Variants in GPC3 observed in about 807,000 individuals in gnomAD.
GPC3 encodes the protein glypican-3.
GPC3 carries 3 observed loss-of-function variants against 34.4 expected under a neutral mutation model. That is an observed-to-expected ratio of 0.09 (90% CI 0.04 to 0.23). The LOEUF is 0.23. Ranked by LOEUF, GPC3 falls within the 10% of genes least tolerant of loss-of-function variation. GPC3 has a pLI of 1.00. For synonymous variants in GPC3, 177 were observed against 174.0 expected (o/e 1.02, Z -0.13); for missense variants, 351 against 445.6 (o/e 0.79, Z 1.91).
At chrX:133,831,602 T>C (rs1263313991) in intron 2 of GPC3, among the ~76,000 whole-genome samples, 2 of 111,759 alleles carry the variant, frequency 1.8e-5, no homozygotes, top group Admixed American at 9.5e-5. Context: ...TGTTGATGCA[T>C]GTCTCTAATC....
intron 7 of GPC3, among the ~76,000 whole-genome samples, chrX:133,539,127 G>A (rs1391811717): frequency 1.8e-5 from 2 of 109,201 alleles, no homozygotes; most frequent in African/African-American, 3.3e-5. Flanking sequence ...AACTATTTCC[G>A]TACATTATTT....
chrX:133,558,814 C>T (rs2069516287), intron 7 of GPC3, among the ~76,000 whole-genome samples: 1 of 108,285 alleles, frequency 9.2e-6, no homozygotes, highest in Non-Finnish European at 1.9e-5. Context: ...CGCTTGAATC[C>T]GGGAGGTGGA....
chrX:133,913,214 G>C (rs1441117175), intron 2 of GPC3, among the ~76,000 whole-genome samples: 1 of 112,205 alleles, frequency 8.9e-6, no homozygotes, highest in Non-Finnish European at 1.9e-5. Context: ...TTGCATAGGA[G>C]AGGCAGAGGA....
chrX:133,789,639 A>ATTTTGC (rs962032520), intron 2 of GPC3, among the ~76,000 whole-genome samples: 4 of 111,783 alleles, frequency 3.6e-5, no homozygotes, highest in Non-Finnish European at 7.5e-5. Flanking sequence ...TTTCAACTAC[A>ATTTTGC]TTTTGCTGCC....
At chrX:133,882,687 A>G (rs1240270517) in intron 2 of GPC3, among the ~76,000 whole-genome samples, 2 of 111,356 alleles carry the variant, frequency 1.8e-5, no homozygotes, top group African/African-American at 6.5e-5. Context: ...CACCAACTCT[A>G]TGCCTACAGG....
intron 2 of GPC3, among the ~76,000 whole-genome samples, chrX:133,865,810 A>G (rs2075963650): frequency 8.9e-6 from 1 of 111,963 alleles, no homozygotes; most frequent in Admixed American, 9.5e-5. Flanking sequence ...TATACCAACA[A>G]GTTCAACCAA....
intron 7 of GPC3, among the ~76,000 whole-genome samples, chrX:133,554,247 C>T (rs2069464980): frequency 9.2e-6 from 1 of 109,074 alleles, no homozygotes; most frequent in African/African-American, 3.3e-5. Context: ...CTCTTGACCT[C>T]GGGATCCACT....
intron 2 of GPC3, among the ~76,000 whole-genome samples, chrX:133,886,905 A>G (rs763697421): frequency 2.7e-5 from 3 of 112,828 alleles, no homozygotes; most frequent in Non-Finnish European, 5.6e-5. Context: ...GCTGCAGTGA[A>G]CATGCGGGTA....
At chrX:133,836,823 G>A (rs2075801844) in intron 2 of GPC3, among the ~76,000 whole-genome samples, 1 of 111,598 alleles carries the variant, frequency 9.0e-6, no homozygotes, top group Non-Finnish European at 1.9e-5. Flanking sequence ...TCCCAAGGAT[G>A]GACTAGGCCA....
intron 2 of GPC3, among the ~76,000 whole-genome samples, chrX:133,872,187 G>A (rs2075996481): frequency 9.0e-6 from 1 of 111,327 alleles, no homozygotes; most frequent in African/African-American, 3.3e-5. Flanking sequence ...GAACATGACA[G>A]GAAGAAAAAG....
chrX:133,839,212 G>A (rs146979959), intron 2 of GPC3, among the ~76,000 whole-genome samples: 224 of 111,730 alleles, frequency 2.0e-3, no homozygotes, highest in African/African-American at 6.9e-3. Flanking sequence ...AAGGAAGCAG[G>A]ATTTTCAGAA....
At chrX:133,842,934 T>C (rs2075832059) in intron 2 of GPC3, among the ~76,000 whole-genome samples, 1 of 111,133 alleles carries the variant, frequency 9.0e-6, no homozygotes, top group Non-Finnish European at 1.9e-5. Context: ...CTTCCAAGTA[T>C]AGGCCAAAAA....
chrX:133,941,382 A>G (rs2076344568), intron 2 of GPC3, among the ~76,000 whole-genome samples: 1 of 112,754 alleles, frequency 8.9e-6, no homozygotes, highest in South Asian at 3.7e-4. Flanking sequence ...CTTCCTATTA[A>G]AAGGCCAGAA....
intron 3 of GPC3, among the ~76,000 whole-genome samples, chrX:133,723,459 T>G: frequency 8.9e-6 from 1 of 112,158 alleles, no homozygotes; most frequent in East Asian, 2.8e-4. Context: ...TTATCTGTGC[T>G]CCTCGCCTGA....
At chrX:133,663,654 T>A (rs918993043) in intron 5 of GPC3, among the ~76,000 whole-genome samples, 1 of 111,686 alleles carries the variant, frequency 9.0e-6, no homozygotes, top group Non-Finnish European at 1.9e-5. Flanking sequence ...TAGGCTGTGC[T>A]CTGGAAGTAT....
chrX:133,633,067 A>G (rs1452095301), intron 6 of GPC3, among the ~76,000 whole-genome samples: 1 of 111,664 alleles, frequency 9.0e-6, no homozygotes, highest in Non-Finnish European at 1.9e-5. Context: ...CACACCAATA[A>G]AACTTTCTTA....
chrX:133,578,017 C>T (rs1351600041), intron 7 of GPC3, among the ~76,000 whole-genome samples: 2 of 112,053 alleles, frequency 1.8e-5, no homozygotes, highest in Non-Finnish European at 3.8e-5. Context: ...TAATGGTACC[C>T]ACACCACAGC....
chrX:133,698,644 G>A (rs2071137863), intron 4 of GPC3, among the ~76,000 whole-genome samples: 1 of 111,891 alleles, frequency 8.9e-6, no homozygotes, highest in Non-Finnish European at 1.9e-5. Flanking sequence ...CACAGAGGAC[G>A]GAGCTTGGGC....
intron 3 of GPC3, among the ~76,000 whole-genome samples, chrX:133,725,816 G>C (rs772420902): frequency 3.1e-4 from 35 of 111,997 alleles, no homozygotes; most frequent in African/African-American, 1.1e-3. Context: ...AGGTACTACT[G>C]TTGGTAACAC....
Sources: gnomAD v4.1 joint callset for allele counts (sites outside exome capture counted in the v4.1 genomes callset) on GRCh38, gnomAD v4.1.1 for gene constraint, MANE v1.5 for transcripts, NCBI Gene and HGNC (gene_info 2026-07-23, HGNC 2026-07-21) for gene names.